Variants in MAP3K19 observed in about 807,000 individuals in gnomAD.
The protein encoded by MAP3K19 is SPS1/STE20-related protein kinase YSK4.
Under a neutral mutation model 114.4 loss-of-function variants are expected in MAP3K19, and 91 were observed. The observed-to-expected ratio is 0.80, with a 90% CI of 0.67 to 0.95. The LOEUF is 0.95. Ranked by LOEUF, MAP3K19 falls within the 40% of genes least tolerant of loss-of-function variation. The probability of loss-of-function intolerance (pLI) is 0.00; values close to 1 mark genes in which losing one functional copy is unlikely to be tolerated. For missense variants in MAP3K19, 1,471 were observed against 1,573.2 expected, an observed-to-expected ratio of 0.94 and a Z score of 1.10; for synonymous variants, 518 against 530.5, an observed-to-expected ratio of 0.98 and a Z score of 0.32.
chr2:134,988,994 C>T (rs1426787135), intron 9 of MAP3K19, among the ~76,000 whole-genome samples: 4 of 152,096 alleles, frequency 2.6e-5, no homozygotes, highest in East Asian at 1.9e-4. Flanking sequence ...AATTCATATC[C>T]GAAACACAAC....
Position 134,986,447 on chromosome 2 carries a change from T to G in MAP3K19, c.2425A>C (p.Ile809Leu). 6.2e-7 allele frequency: 1 copy of G among 1,614,108 alleles called. No homozygotes were observed. Among genetic ancestry groups the G allele is most frequent in the Non-Finnish European group, 8.5e-7 (1 of 1,180,026 alleles). ...TCTTCCATAGAAACTTCTTCAACAA[T>G]GGATAAATCTGAGACAGGAGGGAAT... ...NEFPPVSDLS[I>L]VEEVSMEEST... Residue 809 changes from isoleucine (I) to leucine (L), a missense_variant, in exon 10 of 13, where the codon ATT becomes CTT. Coordinates refer to ENST00000392915, the MANE Select transcript of MAP3K19 (RefSeq NM_025052.5).
intron 9 of MAP3K19, 109 bp downstream of exon 9, chr2:134,991,428 C>T (rs962513143): frequency 1.1e-6 from 1 of 913,628 alleles, no homozygotes. Flanking sequence ...GACCCTACCC[C>T]CTGCATTGTT....
chr2:134,969,131 C>G (rs1405167275), intron 12 of MAP3K19, among the ~76,000 whole-genome samples: 1 of 152,086 alleles, frequency 6.6e-6, no homozygotes, highest in Non-Finnish European at 1.5e-5. Context: ...GCGGATCACT[C>G]GCGGTTAGGA....
Position 134,987,290 on chromosome 2 carries a change from T to C in MAP3K19, c.1582A>G (p.Lys528Glu). The C allele has an allele frequency of 6.2e-7, 1 of 1,614,170 alleles. No homozygotes were observed. The highest frequency in any genetic ancestry group is 8.5e-7 in the Non-Finnish European group (1 of 1,180,022). Reference protein sequence around the residue: ...VNIPVHQENDKHKMNSHRSKL... With the variant: ...VNIPVHQENDEHKMNSHRSKL... ...CTCCTATGGGAATTCATCTTATGCT[T>C]GTCATTTTCTTGGTGTACAGGTATG... The change falls in exon 10 of 13, where the codon AAG becomes GAG. Residue 528 changes from lysine to glutamate, a missense_variant. Transcript: ENST00000392915.
intron 1 of MAP3K19, 147 bp downstream of exon 1, chr2:135,047,038 C>T (rs903065959): frequency 2.0e-5 from 3 of 152,208 alleles, no homozygotes; most frequent in African/African-American, 7.2e-5. Flanking sequence ...TTTATTACAA[C>T]TCCAAGGATA....
intron 5 of MAP3K19, among the ~76,000 whole-genome samples, chr2:135,016,137 G>C (rs1344376282): frequency 6.6e-6 from 1 of 152,180 alleles, no homozygotes. Context: ...TGTGCCTGCA[G>C]TCCCAGCTAC....
intron 3 of MAP3K19, among the ~76,000 whole-genome samples, chr2:135,028,211 C>T (rs1231981986): frequency 6.6e-6 from 1 of 152,148 alleles, no homozygotes; most frequent in African/African-American, 2.4e-5. Flanking sequence ...GTGTCTAACA[C>T]ACAGTAGGTG....
At chr2:135,024,891 T>C in intron 3 of MAP3K19, 150 bp from the exon 4 acceptor site, 1 of 449,046 alleles carries the variant, frequency 2.2e-6, no homozygotes, top group Non-Finnish European at 3.9e-6. Flanking sequence ...AATGTGTGAA[T>C]AGAGGATGAC....
At position 135,027,431 on chromosome 2, in the gene MAP3K19, G is replaced by C. The variant is rs368468028; in HGVS notation, c.-94-2690C>G. Among the ~76,000 whole-genome samples, 5 of 149,792 alleles carry C rather than the reference G, an allele frequency of 3.3e-5. No individual in the cohort carries two copies. In the East Asian group the frequency reaches 9.9e-4, roughly 30 times the overall value. On this transcript the variant is annotated intron_variant, in intron 3 of 12. Coordinates refer to ENST00000392915, the MANE Select transcript of MAP3K19 (RefSeq NM_025052.5). ...AAAGAAAAGGATGGGAGGGAGGGAGGGAAAGGGTAAAAAAGAAGCTTTGTG... is the reference window on the plus strand; with the variant it reads ...AAAGAAAAGGATGGGAGGGAGGGAGCGAAAGGGTAAAAAAGAAGCTTTGTG...
chr2:135,034,856 AGG>A (rs1558745571), intron 2 of MAP3K19, among the ~76,000 whole-genome samples: 2 of 13,866 alleles, frequency 1.4e-4, no homozygotes, highest in Non-Finnish European at 1.7e-4. Flanking sequence ...GGGGAGGGGG[AGG>A]GGGAGAGGGA....
At chr2:134,992,812 G>C (rs1284672018) in intron 8 of MAP3K19, among the ~76,000 whole-genome samples, 1 of 152,018 alleles carries the variant, frequency 6.6e-6, no homozygotes, top group African/African-American at 2.4e-5. Context: ...TGGGATTACA[G>C]GCACCTGCCA....
At chr2:135,033,745 G>A (rs1334558254) in intron 2 of MAP3K19, among the ~76,000 whole-genome samples, 1 of 99,576 alleles carries the variant, frequency 1.0e-5, no homozygotes, top group Non-Finnish European at 1.8e-5. Flanking sequence ...GCCGGGCAGA[G>A]GGGCTCCTCA....
chr2:134,988,048 G>A lies in MAP3K19; in HGVS notation c.824C>T (p.Pro275Leu), dbSNP rs867086972. Residue 275 changes from proline (P) to leucine (L), a missense_variant, in exon 10 of 13, where the codon CCG becomes CTG. Transcript: ENST00000392915. ...GAAGCCATCAGAAGACCTGAGAGTC[G>A]GATCCATCAACGACTTAACTAGGGC... Reference protein sequence around the residue: ...PGALVKSLMDPTLRSSDGFIW... With the variant: ...PGALVKSLMDLTLRSSDGFIW... 1.3e-5 allele frequency: 21 copies of A among 1,613,726 alleles called. No individual in the cohort carries two copies. The highest frequency in any genetic ancestry group is 4.4e-5 in the South Asian group (4 of 91,032).
At position 135,040,470 on chromosome 2, in the gene MAP3K19, A is replaced by T. The variant is rs1688624312; in HGVS notation, c.-391T>A. On this transcript the variant is annotated 5_prime_UTR_variant, in exon 2 of 13. Transcript: ENST00000392915. ...GATTGGACTTCGGTAATATAGTCACAGATGAGTTCCACATCACCTCTTGAA... is the reference window on the plus strand; with the variant it reads ...GATTGGACTTCGGTAATATAGTCACTGATGAGTTCCACATCACCTCTTGAA... 1 of 152,676 alleles carries T rather than the reference A, an allele frequency of 6.5e-6. No individual in the cohort carries two copies. The highest frequency in any genetic ancestry group is 1.9e-4 in the East Asian group (1 of 5,198). The allele number at this position is 152,676 out of a possible 1,614,324, so 9.5% of individuals were successfully genotyped here. A position where few individuals can be genotyped will look rare whatever the true frequency, so the allele number is the denominator to read the frequency against.
intron 8 of MAP3K19, among the ~76,000 whole-genome samples, chr2:134,995,151 A>G (rs1044311474): frequency 3.9e-5 from 6 of 152,000 alleles, no homozygotes; most frequent in African/African-American, 1.5e-4. Context: ...ATCGCTACCA[A>G]AGAAATTTTT....
chr2:135,013,041 C>T lies in MAP3K19; in HGVS notation c.139-7510G>A, dbSNP rs149138906. On this transcript the variant is annotated intron_variant, in intron 5 of 12. Transcript: ENST00000392915. The stretch of plus-strand genomic sequence containing the variant: ...GAGAAATTAAGAGGAAGGTATAGGC[C>T]GGGCACAGTGGCTCTCGCCTGTAAT... Among the ~76,000 whole-genome samples the T allele has an allele frequency of 2.4e-3, 366 of 152,058 alleles. 7 individuals are homozygous for T. Among genetic ancestry groups the T allele is most frequent in the Admixed American group, 0.02 (302 of 15,274 alleles).
chr2:134,996,038 C>T (rs1280484634), intron 8 of MAP3K19, among the ~76,000 whole-genome samples: 1 of 152,088 alleles, frequency 6.6e-6, no homozygotes, highest in African/African-American at 2.4e-5. Context: ...CTCCTGGAAT[C>T]AAGCAATCCT....
chr2:135,001,598 GC>G (rs1686452097), intron 6 of MAP3K19, among the ~76,000 whole-genome samples: 1 of 152,220 alleles, frequency 6.6e-6, no homozygotes, highest in Admixed American at 6.5e-5. Flanking sequence ...CAAACACCTA[GC>G]TGACATGTTA....
chr2:135,032,246 A>T (rs912573139), intron 2 of MAP3K19, among the ~76,000 whole-genome samples: 2 of 151,340 alleles, frequency 1.3e-5, no homozygotes, highest in Non-Finnish European at 2.9e-5. Context: ...AATCCCAGCT[A>T]TTCGGGAGGC....
Sources: allele counts gnomAD v4.1 joint callset (sites outside exome capture counted in the v4.1 genomes callset), GRCh38; gene constraint gnomAD v4.1.1; transcripts MANE v1.5; gene names NCBI Gene and HGNC (gene_info 2026-07-23, HGNC 2026-07-21).